The following ACTR10 variants were observed in gnomAD, a reference collection of about 807,000 sequenced individuals.
The protein encoded by ACTR10 is actin-related protein 10.
Under a neutral mutation model 56.2 loss-of-function variants are expected in ACTR10, and 43 were observed. That is an observed-to-expected ratio of 0.77 (90% CI 0.60 to 0.99). ACTR10 has a LOEUF of 0.99. Among genes scored for constraint, ACTR10 ranks in the 50% least tolerant of loss-of-function variants. ACTR10 has a pLI of 0.00. For missense variants in ACTR10, 466 were observed against 507.8 expected (o/e 0.92, Z 0.79); for synonymous variants, 170 against 176.3 (o/e 0.96, Z 0.28).
At chr14:58,206,924 G>C (rs1888879425) in intron 2 of ACTR10, 2 of 151,998 alleles carry the variant, frequency 1.3e-5, no homozygotes, top group Non-Finnish European at 2.9e-5. Flanking sequence ...GTGTGGCGAT[G>C]TTGCAAAAGA....
chr14:58,215,577 A>G (rs1412583070), intron 7 of ACTR10, among the ~76,000 whole-genome samples: 4 of 151,682 alleles, frequency 2.6e-5, no homozygotes, highest in African/African-American at 7.3e-5. Context: ...TATTTCCCCA[A>G]ATATTCCTCT....
In ACTR10 at chr14:58,213,669, A is replaced by G. The variant is rs1294015546; in HGVS notation, c.489A>G (p.Ala163=). 1.9e-6 allele frequency: 3 copies of G among 1,612,648 alleles called. No individual in the cohort carries two copies. The highest frequency in any genetic ancestry group is 3.3e-5 in the Admixed American group (2 of 59,932). ...TCCCAGTTCTAAATTGTTGGGGAGC[A>G]CTACCCCTAGGAGGAAAAGCTCTTC... is the stretch of plus-strand genomic sequence containing the variant. ...EGIPVLNCWG[A]LPLGGKALHK... The change falls in exon 6 of 13, where the codon GCA becomes GCG. Residue 163 remains alanine, a synonymous_variant. Coordinates refer to ENST00000254286, the MANE Select transcript of ACTR10 (RefSeq NM_018477.3).
intron 6 of ACTR10, among the ~76,000 whole-genome samples, chr14:58,213,990 G>A (rs1413718192): frequency 2.0e-5 from 3 of 152,118 alleles, no homozygotes; most frequent in Admixed American, 6.6e-5. Flanking sequence ...TATCCATCTC[G>A]TCAAGCATTT....
chr14:58,215,601 C>G (rs558652713), intron 7 of ACTR10, among the ~76,000 whole-genome samples: 44 of 152,004 alleles, frequency 2.9e-4, no homozygotes, highest in African/African-American at 1.0e-3. Flanking sequence ...TTCCTCTGCT[C>G]TTGCTTTCTC....
chr14:58,227,731 AGATT>A (rs1229905070), intron 10 of ACTR10, among the ~76,000 whole-genome samples: 3 of 152,222 alleles, frequency 2.0e-5, no homozygotes, highest in Non-Finnish European at 4.4e-5. Context: ...ATTAGCTAGT[AGATT>A]GAGTCTCATG....
intron 5 of ACTR10, 41 bp downstream of exon 5, chr14:58,211,440 C>T: frequency 7.4e-7 from 1 of 1,351,196 alleles, no homozygotes; most frequent in Non-Finnish European, 1.1e-6. Flanking sequence ...AGTTTTTACT[C>T]TACTTTAACT....
At chr14:58,231,548 C>T (rs1393584794) in intron 11 of ACTR10, among the ~76,000 whole-genome samples, 1 of 152,166 alleles carries the variant, frequency 6.6e-6, no homozygotes, top group Non-Finnish European at 1.5e-5. Context: ...ATATGTTTAC[C>T]TCTAGGGCTC....
At chr14:58,231,335 A>G (rs974273985) in intron 11 of ACTR10, among the ~76,000 whole-genome samples, 3 of 150,526 alleles carry the variant, frequency 2.0e-5, no homozygotes, top group Non-Finnish European at 4.4e-5. Context: ...GGCGTGAGCC[A>G]CCAAACCCAG....
chr14:58,224,781 G>T (rs749863787), intron 10 of ACTR10, among the ~76,000 whole-genome samples: 2 of 152,010 alleles, frequency 1.3e-5, no homozygotes, highest in Non-Finnish European at 2.9e-5. Context: ...CCTGAGGTTG[G>T]AAGTTCGAGA....
chr14:58,219,621 A>G, intron 7 of ACTR10, 73 bp from the exon 8 acceptor site: 1 of 935,158 alleles, frequency 1.1e-6, no homozygotes, highest in South Asian at 2.1e-5. Flanking sequence ...GAAAAATAGA[A>G]ATGTGAAGGC....
rs1888990017 is a variant in ACTR10 at position 58,211,364 on chromosome 14, C to G, written c.415C>G (p.Leu139Val). ...GCTTGGAATTAATTCTGCCATGGTC[C>G]TAGATTGTGGATATAGGGAAAGCCT... ...LTLGINSAMV[L>V]DCGYRESLVL... Residue 139 changes from leucine (L) to valine (V), a missense_variant, in exon 5 of 13, where the codon CTA becomes GTA. Transcript: ENST00000254286. 2.5e-6 allele frequency: 4 copies of G among 1,613,748 alleles called. No homozygotes were observed. Among genetic ancestry groups the G allele is most frequent in the African/African-American group, 2.7e-5 (2 of 75,000 alleles).
chr14:58,202,576 T>TC (rs1888748794), intron 1 of ACTR10, among the ~76,000 whole-genome samples: 1 of 151,262 alleles, frequency 6.6e-6, no homozygotes, highest in African/African-American at 2.4e-5. Flanking sequence ...AGAGCCAGAC[T>TC]CCATCTCAAA....
At chr14:58,213,953 G>A (rs1311173265) in intron 6 of ACTR10, among the ~76,000 whole-genome samples, 1 of 152,174 alleles carries the variant, frequency 6.6e-6, no homozygotes, top group Non-Finnish European at 1.5e-5. Context: ...CATGCAATGA[G>A]AAATAAGCAC....
chr14:58,203,202 C>T (rs1408402619), intron 2 of ACTR10, among the ~76,000 whole-genome samples: 1 of 148,264 alleles, frequency 6.7e-6, no homozygotes, highest in Non-Finnish European at 1.5e-5. Flanking sequence ...CTCAGGGGGC[C>T]GAGGCAGGAG....
chr14:58,208,948 A>G (rs1888930066), intron 3 of ACTR10, 51 bp from the exon 4 acceptor site: 4 of 1,256,232 alleles, frequency 3.2e-6, no homozygotes, highest in Non-Finnish European at 3.5e-6. Context: ...GTATGACTTA[A>G]CAAAATGAAT....
chr14:58,226,906 G>A (rs1422782099), intron 10 of ACTR10, among the ~76,000 whole-genome samples: 3 of 152,032 alleles, frequency 2.0e-5, no homozygotes, highest in Non-Finnish European at 2.9e-5. Context: ...AGCCTAACAT[G>A]TTGTTTCTAC....
At chr14:58,218,713 T>G (rs958490069) in intron 7 of ACTR10, among the ~76,000 whole-genome samples, 3 of 152,192 alleles carry the variant, frequency 2.0e-5, no homozygotes, top group Non-Finnish European at 4.4e-5. Context: ...TTATGCTTAT[T>G]AAATAATGAT....
At chr14:58,219,998 G>A (rs1566627433) in intron 8 of ACTR10, among the ~76,000 whole-genome samples, 1 of 152,244 alleles carries the variant, frequency 6.6e-6, no homozygotes, top group East Asian at 1.9e-4. Flanking sequence ...ATTTTGCAGT[G>A]TGAAAGAACA....
chr14:58,224,702 C>G (rs570550735), intron 10 of ACTR10, among the ~76,000 whole-genome samples: 1 of 152,226 alleles, frequency 6.6e-6, no homozygotes, highest in Non-Finnish European at 1.5e-5. Flanking sequence ...AAGGACCAGA[C>G]AGTAAATAGC....
Sources: allele counts gnomAD v4.1 joint callset (sites outside exome capture counted in the v4.1 genomes callset), GRCh38; gene constraint gnomAD v4.1.1; transcripts MANE v1.5; gene names NCBI Gene and HGNC (gene_info 2026-07-23, HGNC 2026-07-21).